MYO10: variants seen among roughly 807,000 people sequenced by gnomAD.
The protein encoded by MYO10 is myosin X, also known as unconventional myosin-X.
A neutral mutation model predicts 257.3 loss-of-function variants in MYO10; 133 were observed. The ratio of observed to expected loss-of-function variants is 0.52; its 90% CI spans 0.45 to 0.60. The LOEUF is 0.60. Among genes scored for constraint, MYO10 ranks in the 20% least tolerant of loss-of-function variants. MYO10 has a pLI of 0.00. For synonymous variants in MYO10, 1,104 were observed against 1,028.6 expected (o/e 1.07, Z -1.40); for missense variants, 2,399 against 2,635.7 (o/e 0.91, Z 1.97).
rs565800922 is a variant in MYO10, at chr5:16,879,580, C to T, written c.22-1873G>A. On this transcript the variant is annotated intron_variant, in intron 1 of 40. Coordinates refer to ENST00000513610, the MANE Select transcript of MYO10 (RefSeq NM_012334.3). ...GGAAATTGCAGCTTGGAGCTTAAGA[C>T]TTTGCCCAGTGCCACACAGCTAGTG... Among the ~76,000 whole-genome samples the T allele has an allele frequency of 5.3e-5, 8 of 152,290 alleles. No homozygotes were observed. The East Asian group carries it at 1.5e-3, about 29-fold the overall frequency.
intron 19 of MYO10, among the ~76,000 whole-genome samples, chr5:16,724,364 G>A (rs1425423064): frequency 2.6e-5 from 4 of 152,094 alleles, no homozygotes; most frequent in Admixed American, 6.5e-5. Context: ...TCTTACTGTT[G>A]GAGCGAGAAT....
At chr5:16,671,701 G>A (rs1042295908) in intron 37 of MYO10, among the ~76,000 whole-genome samples, 159 bp from the exon 38 acceptor site, 1 of 152,102 alleles carries the variant, frequency 6.6e-6, no homozygotes, top group Non-Finnish European at 1.5e-5. Context: ...TAAACAGAGT[G>A]AAAAAACGTA....
At chr5:16,895,537 G>A (rs572445545) in intron 1 of MYO10, among the ~76,000 whole-genome samples, 5 of 151,912 alleles carry the variant, frequency 3.3e-5, no homozygotes, top group East Asian at 3.9e-4. Flanking sequence ...CCCCTATCTC[G>A]TTCCCAGGAA....
chr5:16,712,181 A>T (rs992001001), intron 19 of MYO10, among the ~76,000 whole-genome samples: 2 of 152,302 alleles, frequency 1.3e-5, no homozygotes, highest in Admixed American at 6.5e-5. Flanking sequence ...GAGGCGAAAA[A>T]GAGTTTGACT....
In MYO10 at chr5:16,843,136, C is replaced by T. The variant is rs145304120; in HGVS notation, c.121-24969G>A. Among the ~76,000 whole-genome samples, 11 of 152,180 alleles carry T rather than the reference C, an allele frequency of 7.2e-5. 1 individual carries two copies. The highest frequency in any genetic ancestry group is 7.4e-5 in the Non-Finnish European group (5 of 68,024). On this transcript the variant is annotated intron_variant, in intron 2 of 40. Transcript: ENST00000513610. ...CACCAGCCCATTCCCTGACAGGCCT[C>T]GAGCCAGCTGAAACCACACTGAGCT...
At chr5:16,845,861 G>A (rs896951698) in intron 2 of MYO10, among the ~76,000 whole-genome samples, 1 of 151,982 alleles carries the variant, frequency 6.6e-6, no homozygotes, top group Non-Finnish European at 1.5e-5. Flanking sequence ...CTACTCGGGA[G>A]GCTGAGGCAG....
rs1453985256 is a variant in MYO10, at chr5:16,665,909, A to G, written c.*783T>C. 1 of 152,636 alleles carries G rather than the reference A, an allele frequency of 6.6e-6. No individual in the cohort carries two copies. Among genetic ancestry groups the G allele is most frequent in the East Asian group, 1.9e-4 (1 of 5,196 alleles). 9.5% of individuals were successfully genotyped at this position (152,636 alleles called of 1,614,324 possible). On this transcript the variant is annotated 3_prime_UTR_variant, in exon 41 of 41. Coordinates refer to ENST00000513610, the MANE Select transcript of MYO10 (RefSeq NM_012334.3). ...GGAGTCAACACGTGTTTTTCAAAATACAGCAAAGACAGGAAAATCCAGGAT... is the reference window on the plus strand; with the variant it reads ...GGAGTCAACACGTGTTTTTCAAAATGCAGCAAAGACAGGAAAATCCAGGAT...
intron 19 of MYO10, among the ~76,000 whole-genome samples, chr5:16,734,108 C>CAAAA (rs111997085): frequency 7.1e-6 from 1 of 140,674 alleles, no homozygotes; most frequent in African/African-American, 2.6e-5. Context: ...AAAAGGGATG[C>CAAAA]AAAAAAAAAA....
intron 2 of MYO10, among the ~76,000 whole-genome samples, chr5:16,872,312 A>G (rs1258059931): frequency 6.6e-6 from 1 of 152,230 alleles, no homozygotes; most frequent in Non-Finnish European, 1.5e-5. Context: ...ATACTGTATG[A>G]GTCCACTCAC....
At chr5:16,785,026 C>T (rs1347970658) in intron 4 of MYO10, among the ~76,000 whole-genome samples, 1 of 152,090 alleles carries the variant, frequency 6.6e-6, no homozygotes, top group Non-Finnish European at 1.5e-5. Context: ...CGACACTGGG[C>T]GGAAATGTCC....
intron 2 of MYO10, among the ~76,000 whole-genome samples, chr5:16,869,933 G>A (rs6896227): frequency 7.5e-5 from 8 of 107,310 alleles, no homozygotes; most frequent in African/African-American, 2.6e-4. Flanking sequence ...GGAAGGGGGA[G>A]GGGGAGGGGG....
chr5:16,755,833 C>T (rs1740513946), intron 18 of MYO10, among the ~76,000 whole-genome samples: 1 of 151,270 alleles, frequency 6.6e-6, no homozygotes, highest in African/African-American at 2.4e-5. Flanking sequence ...TCGCCTGATC[C>T]ACACATACTA....
At chr5:16,875,404 A>T (rs1744573016) in intron 2 of MYO10, among the ~76,000 whole-genome samples, 7 of 152,142 alleles carry the variant, frequency 4.6e-5, no homozygotes, top group Admixed American at 3.3e-4. Flanking sequence ...GCAGTGCCTG[A>T]TACTAAAGTT....
At chr5:16,743,257 G>A (rs928627467) in intron 19 of MYO10, among the ~76,000 whole-genome samples, 2 of 152,156 alleles carry the variant, frequency 1.3e-5, no homozygotes, top group African/African-American at 4.8e-5. Context: ...ATAATTCTAA[G>A]AAGTCCTAAC....
Position 16,925,769 on chromosome 5 carries a change from C to T in MYO10, c.21+10019G>A, listed in dbSNP as rs139624015. 4.5e-3 allele frequency among the ~76,000 whole-genome samples: 680 copies of T among 152,208 alleles called. 4 individuals are homozygous for T. The highest frequency in any genetic ancestry group is 0.015 in the African/African-American group (633 of 41,516). On this transcript the variant is annotated intron_variant, in intron 1 of 40. Coordinates refer to ENST00000513610, the MANE Select transcript of MYO10 (RefSeq NM_012334.3). ...AAGTTATAAAGAACCTCAGAAATAC[C>T]TGATTTAAGAAATGGTGATAAATCA...
intron 2 of MYO10, among the ~76,000 whole-genome samples, chr5:16,835,810 T>TAAAAA (rs34486163): frequency 6.8e-6 from 1 of 146,846 alleles, no homozygotes; most frequent in Non-Finnish European, 1.5e-5. Context: ...CAAAAGTCTT[T>TAAAAA]AAAAAAAAAA....
intron 2 of MYO10, among the ~76,000 whole-genome samples, chr5:16,848,157 T>C (rs1004437897): frequency 7.0e-6 from 1 of 142,230 alleles, no homozygotes; most frequent in Non-Finnish European, 1.5e-5. Context: ...ACACATTTCT[T>C]TTTTTTTTTT....
At chr5:16,873,819 G>C (rs1490296198) in intron 2 of MYO10, among the ~76,000 whole-genome samples, 1 of 152,154 alleles carries the variant, frequency 6.6e-6, no homozygotes, top group Admixed American at 6.5e-5. Context: ...GGAGTGGCTG[G>C]GAGACAGGGC....
At chr5:16,796,284 AAAG>A (rs1741950013) in intron 3 of MYO10, among the ~76,000 whole-genome samples, 2 of 149,142 alleles carry the variant, frequency 1.3e-5, no homozygotes, top group Admixed American at 6.8e-5. Flanking sequence ...GGAAAGAAAG[AAAG>A]AAGAAAAGAA....
Sources: allele counts gnomAD v4.1 joint callset (sites outside exome capture counted in the v4.1 genomes callset), GRCh38; gene constraint gnomAD v4.1.1; transcripts MANE v1.5; gene names NCBI Gene and HGNC (gene_info 2026-07-23, HGNC 2026-07-21).